The following ZDHHC1 variants were observed in gnomAD, a reference collection of about 807,000 sequenced individuals.
ZDHHC1 encodes the protein palmitoyltransferase ZDHHC1.
ZDHHC1 carries 45 observed loss-of-function variants against 46.9 expected under a neutral mutation model. The ratio of observed to expected loss-of-function variants is 0.96; its 90% CI spans 0.76 to 1.23. The LOEUF (loss-of-function observed/expected upper bound fraction) is 1.23. ZDHHC1 is among the 50% of genes most tolerant of loss of function. The probability of loss-of-function intolerance (pLI) is 0.00; values close to 1 mark genes in which losing one functional copy is unlikely to be tolerated. For missense variants in ZDHHC1, 649 were observed against 670.8 expected, an observed-to-expected ratio of 0.97 and a Z score of 0.36; for synonymous variants, 291 against 286.0, an observed-to-expected ratio of 1.02 and a Z score of -0.18.
intron 1 of ZDHHC1, among the ~76,000 whole-genome samples, chr16:67,412,920 C>G (rs2040772282): frequency 6.6e-6 from 1 of 151,960 alleles, no homozygotes; most frequent in South Asian, 2.1e-4. Context: ...CCTGCCTCAG[C>G]CTCCCGAGTA....
chr16:67,415,625 C>A (rs1326559299), intron 1 of ZDHHC1, among the ~76,000 whole-genome samples: 3 of 152,078 alleles, frequency 2.0e-5, no homozygotes, highest in African/African-American at 7.2e-5. Context: ...GGCGTGGCGG[C>A]GGGCGCCTGT....
intron 8 of ZDHHC1, 91 bp downstream of exon 8, chr16:67,398,121 G>A: frequency 1.5e-6 from 2 of 1,303,346 alleles, no homozygotes; most frequent in East Asian, 2.3e-5. Context: ...TTCCAGGCTT[G>A]CCTCCCTTGC....
At chr16:67,403,685 C>T (rs1192067236) in intron 3 of ZDHHC1, among the ~76,000 whole-genome samples, 1 of 152,040 alleles carries the variant, frequency 6.6e-6, no homozygotes, top group African/African-American at 2.4e-5. Flanking sequence ...TCTCGGCTCA[C>T]TGCAGCCTCC....
At chr16:67,395,599 G>A in intron 8 of ZDHHC1, 33 bp from the exon 9 acceptor site, 1 of 1,546,040 alleles carries the variant, frequency 6.5e-7, no homozygotes, top group Non-Finnish European at 8.8e-7. Context: ...AGGCTGGGAG[G>A]CCAGGTGTGG....
intron 8 of ZDHHC1, among the ~76,000 whole-genome samples, chr16:67,396,524 G>A (rs1392424064): frequency 6.6e-6 from 1 of 152,110 alleles, no homozygotes; most frequent in Non-Finnish European, 1.5e-5. Context: ...ATGTTTGGGG[G>A]CAACGGCTCC....
intron 3 of ZDHHC1, among the ~76,000 whole-genome samples, chr16:67,402,776 G>T (rs1417889548): frequency 2.0e-5 from 3 of 152,030 alleles, no homozygotes; most frequent in Non-Finnish European, 2.9e-5. Context: ...ACAGGTGTTC[G>T]CCACCACGCC....
chr16:67,400,310 G>C (rs1597537527), intron 4 of ZDHHC1, among the ~76,000 whole-genome samples: 2 of 152,318 alleles, frequency 1.3e-5, no homozygotes, highest in African/African-American at 4.8e-5. Flanking sequence ...AGACTGGGGG[G>C]CTCCAGAAGG....
At position 67,395,506 on chromosome 16, in the gene ZDHHC1, C is replaced by T. The variant is rs770582280; in HGVS notation, c.988G>A (p.Gly330Arg). ...HMRPEPPGQAGPAAVNANPSQ... is the reference protein window; with the variant it reads ...HMRPEPPGQARPAAVNANPSQ... Reference sequence around the variant, plus strand: ...CACTTGGCATTCACTGCTGCTGGCCCGGCCTGGCCAGGGGGCTCTGGGCGC... The same window carrying T: ...CACTTGGCATTCACTGCTGCTGGCCTGGCCTGGCCAGGGGGCTCTGGGCGC... Residue 330 changes from glycine to arginine, a missense_variant, in exon 9 of 12, where the codon GGG becomes AGG. Gly to Arg is a moderately radical substitution (Grantham distance 125). Coordinates refer to ENST00000565726, the MANE Select transcript of ZDHHC1 (RefSeq NM_001323627.2). 4.5e-6 allele frequency: 7 copies of T among 1,554,700 alleles called. No individual in the cohort carries two copies. The highest frequency in any genetic ancestry group is 4.8e-5 in the East Asian group (2 of 41,506).
At position 67,395,036 on chromosome 16, in the gene ZDHHC1, T is replaced by C; in HGVS notation, c.1131A>G (p.Lys377=). The change falls in exon 11 of 12, where the codon AAA becomes AAG. Residue 377 remains lysine, a synonymous_variant. Coordinates refer to ENST00000565726, the MANE Select transcript of ZDHHC1 (RefSeq NM_001323627.2). ...PQKKRKRRVY[K]VRTSETSDPA... The stretch of plus-strand genomic sequence containing the variant: ...GATCCGAGGTCTCAGACGTTCGCAC[T>C]TTATACACGCGCCTCTTCCTCTTTT... The C allele has an allele frequency of 1.2e-6, 2 of 1,613,022 alleles. No individual in the cohort carries two copies. Among genetic ancestry groups the C allele is most frequent in the Non-Finnish European group, 8.5e-7 (1 of 1,179,810 alleles).
Position 67,398,899 on chromosome 16 carries a change from G to T in ZDHHC1, c.576C>A (p.Leu192=). 1 of 1,613,532 alleles carries T rather than the reference G, an allele frequency of 6.2e-7. No homozygotes were observed. The highest frequency in any genetic ancestry group is 1.1e-5 in the South Asian group (1 of 90,920). The change falls in exon 6 of 12, where the codon CTC becomes CTA. Residue 192 remains leucine (L), a synonymous_variant. Transcript: ENST00000565726. ...SVASALLGVL[L]LVLVATYVFV... ...AGACATATGTGGCCACCAGCACCAG[G>T]AGCAGGACGCCCAGTAAAGCGGATG...
chr16:67,402,629 A>AT (rs11402235), intron 3 of ZDHHC1, among the ~76,000 whole-genome samples: 17,913 of 144,484 alleles, frequency 0.12, 2,198 homozygotes, highest in African/African-American at 0.32. Context: ...AAAACATGGA[A>AT]TTTTTTTTTT....
rs369424064 is a variant in ZDHHC1, at chr16:67,395,344, C to G, written c.1011-64G>C. 3.2e-5 allele frequency: 48 copies of G among 1,495,460 alleles called. 1 individual carries two copies. The highest frequency in any genetic ancestry group is 1.5e-4 in the East Asian group (6 of 40,502). The allele number at this position is 1,495,460 out of a possible 1,614,324, so 92.6% of individuals were successfully genotyped here. On this transcript the variant is annotated intron_variant, in intron 9 of 11. Transcript: ENST00000565726. ...CCCAAATCCCTCCCCACTGGAGGTGCTGAGAGAAGCTTCCCTTCCTGTTAG... is the reference window on the plus strand; with the variant it reads ...CCCAAATCCCTCCCCACTGGAGGTGGTGAGAGAAGCTTCCCTTCCTGTTAG...
At chr16:67,410,669 A>G (rs984670133) in intron 1 of ZDHHC1, among the ~76,000 whole-genome samples, 2 of 149,252 alleles carry the variant, frequency 1.3e-5, no homozygotes, top group African/African-American at 4.9e-5. Flanking sequence ...TATTATTATT[A>G]TTATTGTTAT....
At chr16:67,404,813 T>C (rs2040623508) in intron 3 of ZDHHC1, 1 of 436,084 alleles carries the variant, frequency 2.3e-6, no homozygotes, top group Admixed American at 2.4e-5. Flanking sequence ...CTGGCACATG[T>C]AAGGGCTCAA....
rs985601578 is a variant in ZDHHC1, at chr16:67,408,247, C to T, written c.-38-434G>A. On this transcript the variant is annotated intron_variant, in intron 1 of 11. Transcript: ENST00000565726. ...GTGGCACCATCACAGCTCACTGTAACCTTGACCTCCTGGGCTCAAGTGATC... is the reference window on the plus strand; with the variant it reads ...GTGGCACCATCACAGCTCACTGTAATCTTGACCTCCTGGGCTCAAGTGATC... Among the ~76,000 whole-genome samples, 105 of 152,002 alleles carry T rather than the reference C, an allele frequency of 6.9e-4. 3 individuals carry two copies. Among genetic ancestry groups the T allele is most frequent in the Admixed American group, 6.8e-3 (104 of 15,276 alleles).
At chr16:67,398,374 C>T (rs1472404533) in intron 7 of ZDHHC1, 50 bp from the exon 8 acceptor site, 1 of 1,579,488 alleles carries the variant, frequency 6.3e-7, no homozygotes, top group Non-Finnish European at 8.6e-7. Context: ...GACTCTGGAG[C>T]TCAGAACAGG....
rs541035074 is a variant in ZDHHC1, at chr16:67,400,705, G to A, written c.428+252C>T. ...ATGTGAGGGTGTCACTGGCAGAGCC[G>A]CTCATTAGAAATGTTTGGGCAGGGC... On this transcript the variant is annotated intron_variant, in intron 4 of 11. Transcript: ENST00000565726. Among the ~76,000 whole-genome samples, 3 of 152,292 alleles carry A rather than the reference G, an allele frequency of 2.0e-5. No homozygotes were observed. The South Asian group carries it at 6.2e-4, about 32-fold the overall frequency.
rs538692605 is a variant in ZDHHC1 at position 67,394,725 on chromosome 16, C to G, written c.1334G>C (p.Arg445Pro). ...RLGSAALAAPRGRGRQPTLAR... is the reference protein window; with the variant it reads ...RLGSAALAAPPGRGRQPTLAR... ...CAGCGTGGGCTGTCGGCCCCGGCCC[C>G]GCGGGGCGGCCAGAGCGGCGCTGCC... The change falls in exon 12 of 12, where the codon CGG becomes CCG. Residue 445 changes from arginine (R) to proline (P), a missense_variant. Physicochemically the swap from Arg to Pro is moderately radical, Grantham distance 103. Coordinates refer to ENST00000565726, the MANE Select transcript of ZDHHC1 (RefSeq NM_001323627.2). The G allele has an allele frequency of 1.8e-4, 250 of 1,382,170 alleles. 3 individuals are homozygous for G. The African/African-American group carries it at 3.2e-3, about 18-fold the overall frequency. 85.6% of individuals were successfully genotyped at this position (1,382,170 alleles called of 1,614,324 possible). A position where few individuals can be genotyped will look rare whatever the true frequency, so the allele number is the denominator to read the frequency against.
At position 67,399,338 on chromosome 16, in the gene ZDHHC1, G is replaced by T; in HGVS notation, c.530+17C>A. On this transcript the variant is annotated intron_variant, in intron 5 of 11. Transcript: ENST00000565726. ...ACAGTGCATCCCCAGGCCCGCGTGC[G>T]GCCGGGCTGTCCTCACCGGTAGTTC... 1 of 1,603,190 alleles carries T rather than the reference G, an allele frequency of 6.2e-7. No individual in the cohort carries two copies. Among genetic ancestry groups the T allele is most frequent in the Non-Finnish European group, 8.5e-7 (1 of 1,172,848 alleles).
Sources: gnomAD v4.1 joint callset for allele counts (sites outside exome capture counted in the v4.1 genomes callset) on GRCh38, gnomAD v4.1.1 for gene constraint, MANE v1.5 for transcripts, NCBI Gene and HGNC (gene_info 2026-07-23, HGNC 2026-07-21) for gene names.